TANGO2: variants seen among roughly 807,000 people sequenced by gnomAD.
TANGO2 encodes the protein transport and Golgi organization protein 2 homolog.
A neutral mutation model predicts 39.1 loss-of-function variants in TANGO2; 26 were observed. The ratio of observed to expected loss-of-function variants is 0.67; its 90% confidence interval spans 0.49 to 0.92. The LOEUF is 0.92. Ranked by LOEUF, TANGO2 falls within the 40% of genes least tolerant of loss-of-function variation. TANGO2 has a pLI of 0.00. For synonymous variants in TANGO2, 131 were observed against 144.5 expected (o/e 0.91, Z 0.67); for missense variants, 326 against 360.1 (o/e 0.91, Z 0.77).
chr22:20,041,472 C>T (rs1220232161), intron 2 of TANGO2, among the ~76,000 whole-genome samples: 1 of 152,184 alleles, frequency 6.6e-6, no homozygotes, highest in Non-Finnish European at 1.5e-5. Context: ...GCCACCACAC[C>T]TGGCTAATTT....
intron 1 of TANGO2, among the ~76,000 whole-genome samples, chr22:20,032,220 C>T (rs1243978659): frequency 3.3e-5 from 5 of 152,262 alleles, no homozygotes; most frequent in Admixed American, 6.5e-5. Flanking sequence ...ACTGCTATCC[C>T]GGTGGCCGTG....
In TANGO2 at chr22:20,036,760, A is replaced by G. The variant is rs763749344; in HGVS notation, c.-39A>G. On this transcript the variant is annotated splice_region_variant and 5_prime_UTR_variant, in exon 2 of 9. Transcript: ENST00000327374. The stretch of plus-strand genomic sequence containing the variant: ...ACTCAGTGTTTTCCTTTTCCCGCAG[A>G]CCTCGCGACCTGTGTCAGCAGAGCC... The G allele has an allele frequency of 1.2e-6, 2 of 1,613,866 alleles. No homozygotes were observed. The highest frequency in any genetic ancestry group is 1.7e-6 in the Non-Finnish European group (2 of 1,179,826).
intron 2 of TANGO2, among the ~76,000 whole-genome samples, chr22:20,040,993 A>G (rs2043801173): frequency 6.6e-6 from 1 of 152,192 alleles, no homozygotes; most frequent in South Asian, 2.1e-4. Flanking sequence ...AGCAGACCCC[A>G]AGGGCTCTAG....
intron 3 of TANGO2, among the ~76,000 whole-genome samples, chr22:20,050,473 C>T (rs1474050906): frequency 1.4e-5 from 2 of 146,876 alleles, no homozygotes; most frequent in Admixed American, 6.9e-5. Context: ...CAGCAATTCT[C>T]CTGTCTCAGC....
At chr22:20,025,561 C>T (rs946535315) in intron 1 of TANGO2, among the ~76,000 whole-genome samples, 1 of 152,160 alleles carries the variant, frequency 6.6e-6, no homozygotes, top group African/African-American at 2.4e-5. Context: ...CCCTCGTGTC[C>T]CCCAGTGGCT....
intron 7 of TANGO2, 158 bp downstream of exon 7, chr22:20,061,841 C>G: frequency 1.1e-6 from 1 of 943,878 alleles, no homozygotes; most frequent in South Asian, 1.9e-5. Flanking sequence ...TGCCTGTCCC[C>G]TTGAGCCAGC....
At chr22:20,056,953 G>A in intron 6 of TANGO2, 1 of 456,432 alleles carries the variant, frequency 2.2e-6, no homozygotes, top group South Asian at 1.5e-5. Context: ...GTGTGTCAGT[G>A]CCCTTAGCGC....
chr22:20,063,359 C>T lies in TANGO2; in HGVS notation c.627C>T (p.Ile209=), dbSNP rs768446219. Residue 209 remains isoleucine (I), a synonymous_variant, in exon 8 of 9, where the codon ATC becomes ATT. Transcript: ENST00000327374. ...GCAGGCAGCTGCCAGACCCGGCCAT[C>T]GAGGACCAGGGTGGGGAGTACGTGC... ...NEEAQLPDPA[I]EDQGGEYVQP... is the part of the protein sequence containing the mutation. 13 of 1,613,434 alleles carry T rather than the reference C, an allele frequency of 8.1e-6. No homozygotes were observed. The highest frequency in any genetic ancestry group is 9.3e-6 in the Non-Finnish European group (11 of 1,179,884).
upstream of TANGO2, among the ~76,000 whole-genome samples, chr22:20,020,583 C>T (rs1315470801): frequency 6.6e-6 from 1 of 151,960 alleles, no homozygotes; most frequent in African/African-American, 2.4e-5. Flanking sequence ...TCTGGGGGTA[C>T]ATACTGGGAA....
intron 7 of TANGO2, chr22:20,062,885 C>T (rs758201033): frequency 1.3e-4 from 21 of 157,212 alleles, no homozygotes; most frequent in Non-Finnish European, 2.1e-4. Flanking sequence ...CTTTGGGAAG[C>T]CGAGGTGGGC....
At chr22:20,029,562 A>G (rs1157627849) in intron 1 of TANGO2, among the ~76,000 whole-genome samples, 1 of 151,328 alleles carries the variant, frequency 6.6e-6, no homozygotes, top group African/African-American at 2.4e-5. Context: ...CTCTCTTTCC[A>G]TTCATATCTC....
At chr22:20,034,571 G>A (rs78880579) in intron 1 of TANGO2, among the ~76,000 whole-genome samples, 2,459 of 152,276 alleles carry the variant, frequency 0.016, 60 homozygotes, top group African/African-American at 0.056. Context: ...GACCTGGACG[G>A]CTGGCTGTGC....
At chr22:20,061,438 G>A in intron 6 of TANGO2, 92 bp from the exon 7 acceptor site, 1 of 1,431,796 alleles carries the variant, frequency 7.0e-7, no homozygotes, top group African/African-American at 1.4e-5. Flanking sequence ...ATGGTCCCCA[G>A]CTGTACCCCG....
chr22:20,064,619 C>T lies in TANGO2; in HGVS notation c.788C>T (p.Ser263Phe), dbSNP rs772464477. The change falls in exon 9 of 9, where the codon TCC (serine) becomes TTC (phenylalanine). Residue 263 changes from serine (S) to phenylalanine (F), a missense_variant. Transcript: ENST00000327374. Reference protein sequence around the residue: ...TERSMMDKDLSHWETRTYEFT... With the variant: ...TERSMMDKDLFHWETRTYEFT... ...CGTAGCATGATGGACAAGGACCTCTCCCACTGGGAGACCAGAACCTATGAG... is the reference window on the plus strand; with the variant it reads ...CGTAGCATGATGGACAAGGACCTCTTCCACTGGGAGACCAGAACCTATGAG... The T allele has an allele frequency of 1.9e-6, 3 of 1,614,218 alleles. No homozygotes were observed. The Admixed American group carries it at 5.0e-5, about 27-fold the overall frequency.
At chr22:20,027,988 C>T (rs2520732) in intron 1 of TANGO2, among the ~76,000 whole-genome samples, 4,476 of 151,932 alleles carry the variant, frequency 0.029, 105 homozygotes, top group South Asian at 0.082. Flanking sequence ...TAGTAGAGAC[C>T]GGGTTTCACC....
chr22:20,029,513 A>G (rs1199177589), intron 1 of TANGO2, among the ~76,000 whole-genome samples: 1 of 152,220 alleles, frequency 6.6e-6, no homozygotes, highest in Non-Finnish European at 1.5e-5. Flanking sequence ...TGGTATTCTT[A>G]GAGGACGGGA....
intron 1 of TANGO2, among the ~76,000 whole-genome samples, chr22:20,024,820 G>A (rs944229300): frequency 2.6e-5 from 4 of 152,122 alleles, no homozygotes; most frequent in Non-Finnish European, 2.9e-5. Flanking sequence ...AAGTGGTTCC[G>A]CCAAAAGCGT....
chr22:20,022,045 G>A (rs942051117), intron 1 of TANGO2, among the ~76,000 whole-genome samples: 3 of 152,244 alleles, frequency 2.0e-5, no homozygotes, highest in African/African-American at 7.2e-5. Flanking sequence ...TGGGCACAGT[G>A]CCCTCTTCCA....
intron 2 of TANGO2, 62 bp from the exon 3 acceptor site, chr22:20,043,291 AAG>A: frequency 6.3e-6 from 8 of 1,272,218 alleles, no homozygotes; most frequent in Non-Finnish European, 9.1e-6. Context: ...TGTGTGTGAA[AAG>A]AGAAAAAGAC....
Sources: allele counts gnomAD v4.1 joint callset (sites outside exome capture counted in the v4.1 genomes callset), GRCh38; gene constraint gnomAD v4.1.1; transcripts MANE v1.5; gene names NCBI Gene and HGNC (gene_info 2026-07-23, HGNC 2026-07-21).